Variants in TTC6 observed in about 807,000 individuals in gnomAD.
TTC6 encodes the protein tetratricopeptide repeat protein 6.
TTC6 carries 172 observed loss-of-function variants against 210.4 expected under a neutral mutation model. The ratio of observed to expected loss-of-function variants is 0.82; its 90% CI spans 0.72 to 0.93. The LOEUF is 0.93. TTC6 is among the 40% of genes least tolerant of loss of function. The pLI, the probability that TTC6 is intolerant of heterozygous loss-of-function variation, is 0.00. For missense variants in TTC6, 2,414 were observed against 2,318.1 expected (o/e 1.04, Z -0.85); for synonymous variants, 804 against 819.6 (o/e 0.98, Z 0.32).
chr14:37,651,423 ATATTTTTTTTTTTTTTTTTT>A (rs2095712447), intron 1 of TTC6, among the ~76,000 whole-genome samples: 2 of 20,022 alleles, frequency 1.0e-4, no homozygotes, highest in African/African-American at 4.7e-4. Flanking sequence ...ATATATATAT[ATATTTTTTTTTTTTTTTTTT>A]TTTTTTTTTT....
chr14:37,679,891 T>C (rs1404247080), intron 1 of TTC6, among the ~76,000 whole-genome samples: 2 of 151,998 alleles, frequency 1.3e-5, no homozygotes, highest in Non-Finnish European at 2.9e-5. Flanking sequence ...GGTTTCACTA[T>C]GTTGGTCAGG....
intron 2 of TTC6, among the ~76,000 whole-genome samples, chr14:37,680,887 A>T (rs548784061): frequency 1.1e-4 from 17 of 152,162 alleles, no homozygotes; most frequent in Non-Finnish European, 1.6e-4. Flanking sequence ...GTTCCTGGAA[A>T]TATGACCCCC....
chr14:37,697,663 GT>G (rs1267806013), intron 4 of TTC6, among the ~76,000 whole-genome samples: 3 of 152,222 alleles, frequency 2.0e-5, no homozygotes, highest in Admixed American at 6.5e-5. Flanking sequence ...GAATTCCAAA[GT>G]TTATGAAACA....
At position 37,827,234 on chromosome 14, in the gene TTC6, G is replaced by GA; in HGVS notation, c.5167dup (p.Ile1723AsnfsTer3). 6.2e-7 allele frequency: 1 copy of GA among 1,612,862 alleles called. No homozygotes were observed. The highest frequency in any genetic ancestry group is 8.5e-7 in the Non-Finnish European group (1 of 1,179,220). The stretch of plus-strand genomic sequence containing the variant: ...CAGAATTCTTAACAAATCGTGGGGT[G>GA]ATTCATGAGTTTATGGGCCACAAAC... On this transcript the variant is annotated frameshift_variant, in exon 29 of 31. Transcript: ENST00000553443. LOFTEE classifies it high-confidence loss of function.
At chr14:37,699,210 C>T (rs1450343279) in intron 4 of TTC6, among the ~76,000 whole-genome samples, 1 of 152,202 alleles carries the variant, frequency 6.6e-6, no homozygotes, top group Admixed American at 6.5e-5. Context: ...AAAGAGTAGA[C>T]AGCACTGTAT....
chr14:37,734,182 G>A (rs747456115), intron 7 of TTC6, among the ~76,000 whole-genome samples: 3 of 152,244 alleles, frequency 2.0e-5, no homozygotes, highest in East Asian at 1.9e-4. Flanking sequence ...AAGTTGAGGC[G>A]TGAGTTTCTC....
At chr14:37,799,643 T>A (rs2096101351) in intron 20 of TTC6, among the ~76,000 whole-genome samples, 1 of 152,038 alleles carries the variant, frequency 6.6e-6, no homozygotes, top group South Asian at 2.1e-4. Context: ...AGCAAAGAAT[T>A]ATACTATGAA....
At chr14:37,648,968 G>A (rs2095706469) in intron 1 of TTC6, among the ~76,000 whole-genome samples, 1 of 148,212 alleles carries the variant, frequency 6.7e-6, no homozygotes, top group African/African-American at 2.5e-5. Flanking sequence ...CAAGAATCAT[G>A]TTTATTTATC....
At chr14:37,809,183 G>A (rs2096124525) in intron 24 of TTC6, among the ~76,000 whole-genome samples, 1 of 151,496 alleles carries the variant, frequency 6.6e-6, no homozygotes, top group Middle Eastern at 3.6e-3. Flanking sequence ...AGTATTTAAA[G>A]GCATTTATAA....
intron 5 of TTC6, among the ~76,000 whole-genome samples, chr14:37,713,232 T>G (rs1052810499): frequency 1.2e-4 from 18 of 152,202 alleles, no homozygotes; most frequent in Non-Finnish European, 1.6e-4. Context: ...TTGTCATGAC[T>G]GTACTTGCCA....
intron 10 of TTC6, among the ~76,000 whole-genome samples, chr14:37,741,611 G>T (rs1410850764): frequency 6.6e-6 from 1 of 151,988 alleles, no homozygotes; most frequent in Non-Finnish European, 1.5e-5. Context: ...ATCTTAATTT[G>T]ATAATTCACA....
chr14:37,740,704 A>G (rs2095916418), intron 10 of TTC6, among the ~76,000 whole-genome samples: 1 of 152,202 alleles, frequency 6.6e-6, no homozygotes, highest in South Asian at 2.1e-4. Context: ...CAACAAATAC[A>G]GTATCTGGAA....
chr14:37,635,981 CAAA>C lies in TTC6; in HGVS notation c.939+12995_939+12997del, dbSNP rs71433909. On this transcript the variant is annotated intron_variant, in intron 1 of 30. Coordinates refer to ENST00000553443, the Ensembl canonical transcript of TTC6. ...GGCAACAAGAGCAAAATTCCATTTC[CAAA>C]AAAAAAAAAAAAAAAAGAAAAAAAA... is the stretch of plus-strand genomic sequence containing the variant. Among the ~76,000 whole-genome samples the C allele has an allele frequency of 6.2e-3, 435 of 70,346 alleles. 2 individuals are homozygous for C. Among genetic ancestry groups the C allele is most frequent in the Non-Finnish European group, 8.5e-3 (335 of 39,624 alleles). 46.1% of individuals were successfully genotyped at this position (70,346 alleles called of 152,430 possible). A position where few individuals can be genotyped will look rare whatever the true frequency, so the allele number is the denominator to read the frequency against.
intron 3 of TTC6, among the ~76,000 whole-genome samples, chr14:37,692,208 CAAAAAAAAAAAAA>C (rs3062759): frequency 5.0e-5 from 2 of 40,154 alleles, no homozygotes; most frequent in Admixed American, 4.4e-4. Flanking sequence ...AAAGACACAC[CAAAAAAAAAAAAA>C]AAAAAAAAAA....
intron 3 of TTC6, among the ~76,000 whole-genome samples, chr14:37,694,466 A>G (rs1354836139): frequency 6.6e-6 from 1 of 152,180 alleles, no homozygotes. Flanking sequence ...AGCCTCATAC[A>G]TTGTTGATGG....
At chr14:37,784,367 A>T (rs2096062627) in intron 14 of TTC6, among the ~76,000 whole-genome samples, 1 of 152,178 alleles carries the variant, frequency 6.6e-6, no homozygotes, top group African/African-American at 2.4e-5. Context: ...TCCGTTTACC[A>T]TTATGTAATG....
intron 5 of TTC6, among the ~76,000 whole-genome samples, chr14:37,709,898 T>C (rs1474378638): frequency 6.6e-6 from 1 of 152,156 alleles, no homozygotes. Context: ...CCTAAAGCTT[T>C]TTCCAGACCT....
intron 2 of TTC6, among the ~76,000 whole-genome samples, chr14:37,607,290 T>C (rs2095626824): frequency 6.6e-6 from 1 of 152,192 alleles, no homozygotes; most frequent in South Asian, 2.1e-4. Context: ...GAAATGTCCT[T>C]GTGTGTTCCC....
At chr14:37,817,492 A>G in intron 25 of TTC6, 86 bp from the exon 28 acceptor site, 1 of 1,137,474 alleles carries the variant, frequency 8.8e-7, no homozygotes, top group Non-Finnish European at 1.3e-6. Flanking sequence ...TGCTTGTGTC[A>G]TTGTGGAATC....
Sources: allele counts gnomAD v4.1 joint callset (sites outside exome capture counted in the v4.1 genomes callset), GRCh38; gene constraint gnomAD v4.1.1; transcripts MANE v1.5; gene names NCBI Gene and HGNC (gene_info 2026-07-23, HGNC 2026-07-21).